Variants in CD8B2 observed in about 807,000 individuals in gnomAD.
CD8B2 encodes CD8B family member 2, also known as T-cell surface glycoprotein CD8 beta-2 chain.
A neutral mutation model predicts 23.7 loss-of-function variants in CD8B2; 11 were observed. The ratio of observed to expected loss-of-function variants is 0.46; its 90% CI spans 0.29 to 0.77. CD8B2 has a LOEUF of 0.77. CD8B2 is among the 30% of genes least tolerant of loss of function. CD8B2 has a pLI of 0.09. For missense variants in CD8B2, 197 were observed against 270.5 expected (o/e 0.73, Z 1.91); for synonymous variants, 90 against 109.3 (o/e 0.82, Z 1.10).
intron 5 of CD8B2, chr2:106,521,435 G>C (rs1679824290): frequency 6.6e-6 from 1 of 152,308 alleles, no homozygotes; most frequent in African/African-American, 2.4e-5. Context: ...AATTTTACAG[G>C]CTGCTCTTTG....
At chr2:106,527,719 G>A (rs1679926868) in intron 5 of CD8B2, among the ~76,000 whole-genome samples, 1 of 152,174 alleles carries the variant, frequency 6.6e-6, no homozygotes, top group Non-Finnish European at 1.5e-5. Context: ...GGAGGTGGAG[G>A]TTGCAGTGAG....
intron 1 of CD8B2, among the ~76,000 whole-genome samples, chr2:106,488,156 G>A (rs1288114130): frequency 1.3e-5 from 2 of 151,992 alleles, no homozygotes; most frequent in African/African-American, 4.8e-5. Context: ...ATTTGCTCTC[G>A]TGCCCAAAAA....
In CD8B2 at chr2:106,491,202, G is replaced by A; in HGVS notation, c.372G>A (p.Leu124=). Residue 124 remains leucine (L), a synonymous_variant, in exon 2 of 6, where the codon CTG becomes CTA. Coordinates refer to ENST00000643224, the MANE Select transcript of CD8B2 (RefSeq NM_001349727.2). ...YFCMIVGSPE[L]TFGKGTQLSV... ...GCATGATCGTCGGGAGCCCCGAGCT[G>A]ACCTTCGGGAAGGGAACTCAGCTGA... 1.2e-6 allele frequency: 2 copies of A among 1,608,368 alleles called. No individual in the cohort carries two copies. The highest frequency in any genetic ancestry group is 1.7e-6 in the Non-Finnish European group (2 of 1,175,702).
In CD8B2 at chr2:106,492,704, C is replaced by A. The variant is rs563810664; in HGVS notation, c.403+1471C>A. 9.1e-4 allele frequency among the ~76,000 whole-genome samples: 138 copies of A among 152,206 alleles called. 1 individual carries two copies. In the South Asian group the frequency reaches 9.8e-3, roughly 11 times the overall value. The stretch of plus-strand genomic sequence containing the variant: ...GAGGGCACTAAAAGCCACAAGGGGA[C>A]CCAGAAATTAGACCACTCAGCGTGA... On this transcript the variant is annotated intron_variant, in intron 2 of 5. Coordinates refer to ENST00000643224, the MANE Select transcript of CD8B2 (RefSeq NM_001349727.2).
chr2:106,511,778 C>T (rs1338309447), downstream of CD8B2, among the ~76,000 whole-genome samples: 5 of 152,172 alleles, frequency 3.3e-5, 1 homozygote, highest in Non-Finnish European at 7.3e-5. Flanking sequence ...CTGACACTCC[C>T]GGGGAACCGT....
Position 106,502,076 on chromosome 2 carries a change from G to A in CD8B2, c.494-398G>A, listed in dbSNP as rs573502025. On this transcript the variant is annotated intron_variant, in intron 3 of 5. Coordinates refer to ENST00000643224, the MANE Select transcript of CD8B2 (RefSeq NM_001349727.2). Reference sequence around the variant, plus strand: ...TTTGGGAGGCCAAGGTGGGCGGATTGCTTGAGGCCAGGAGTTTGAGACCAG... The same window carrying A: ...TTTGGGAGGCCAAGGTGGGCGGATTACTTGAGGCCAGGAGTTTGAGACCAG... Among the ~76,000 whole-genome samples the A allele has an allele frequency of 4.0e-5, 6 of 151,788 alleles. No homozygotes were observed. In the South Asian group the frequency reaches 1.3e-3, roughly 32 times the overall value.
At chr2:106,532,468 A>G (rs1680001835) in intron 5 of CD8B2, among the ~76,000 whole-genome samples, 1 of 152,214 alleles carries the variant, frequency 6.6e-6, no homozygotes, top group African/African-American at 2.4e-5. Context: ...GCGAGTCCAT[A>G]TAGTAAAGTG....
intron 5 of CD8B2, among the ~76,000 whole-genome samples, chr2:106,519,806 A>C (rs1679795160): frequency 6.6e-6 from 1 of 152,238 alleles, no homozygotes; most frequent in Non-Finnish European, 1.5e-5. Flanking sequence ...TTGCAAAATA[A>C]ACTCAATGTT....
chr2:106,495,779 A>T (rs1679287738), intron 2 of CD8B2, among the ~76,000 whole-genome samples: 2 of 152,060 alleles, frequency 1.3e-5, no homozygotes, highest in African/African-American at 4.8e-5. Flanking sequence ...ACTTGGATGT[A>T]AGACAAATTT....
chr2:106,535,139 A>G (rs1348405859), intron 5 of CD8B2: 2 of 152,254 alleles, frequency 1.3e-5, no homozygotes, highest in East Asian at 1.9e-4. Context: ...AATGTTTTGC[A>G]TATAATGTCC....
chr2:106,541,161 CA>C (rs1218610693), intron 5 of CD8B2, among the ~76,000 whole-genome samples: 5 of 152,106 alleles, frequency 3.3e-5, no homozygotes, highest in African/African-American at 1.2e-4. Context: ...GGCTGTGTGA[CA>C]AGGTCTGCAG....
chr2:106,526,019 T>C (rs1679901682), intron 5 of CD8B2, among the ~76,000 whole-genome samples: 1 of 152,176 alleles, frequency 6.6e-6, no homozygotes, highest in African/African-American at 2.4e-5. Flanking sequence ...AGGCGGGAAA[T>C]TGCCTGAGCT....
At chr2:106,492,175 G>A (rs1305611961) in intron 2 of CD8B2, among the ~76,000 whole-genome samples, 1 of 151,840 alleles carries the variant, frequency 6.6e-6, no homozygotes, top group Non-Finnish European at 1.5e-5. Context: ...GGGCCTCAGT[G>A]TTCTCTTCTG....
At chr2:106,540,199 AAT>A (rs1263320139) in intron 5 of CD8B2, among the ~76,000 whole-genome samples, 3 of 150,616 alleles carry the variant, frequency 2.0e-5, no homozygotes, top group Non-Finnish European at 4.4e-5. Context: ...AATTAAAAAA[AAT>A]ATCCAAGTAT....
At chr2:106,530,914 C>T (rs1301346470) in intron 5 of CD8B2, among the ~76,000 whole-genome samples, 2 of 151,984 alleles carry the variant, frequency 1.3e-5, no homozygotes, top group Non-Finnish European at 2.9e-5. Flanking sequence ...GGAAGGTACC[C>T]TAGATGGGCT....
At chr2:106,497,955 C>A (rs1363633468) in intron 3 of CD8B2, among the ~76,000 whole-genome samples, 1 of 152,054 alleles carries the variant, frequency 6.6e-6, no homozygotes, top group Non-Finnish European at 1.5e-5. Flanking sequence ...TTGTATGGCA[C>A]CCCAACCCCA....
At chr2:106,538,008 A>G (rs1680115638) in intron 5 of CD8B2, 1 of 152,224 alleles carries the variant, frequency 6.6e-6, no homozygotes, top group African/African-American at 2.4e-5. Flanking sequence ...GCATGGCCCC[A>G]GAGGAGTCTC....
chr2:106,544,231 G>T, exon 6 of CD8B2: 1 of 396,030 alleles, frequency 2.5e-6, no homozygotes, highest in Non-Finnish European at 4.4e-6. Flanking sequence ...TTAGTTATTT[G>T]AATAGGTTTT....
intron 5 of CD8B2, among the ~76,000 whole-genome samples, chr2:106,528,802 T>C (rs1434598703): frequency 6.6e-6 from 1 of 152,252 alleles, no homozygotes; most frequent in Non-Finnish European, 1.5e-5. Flanking sequence ...GGAAATAGAC[T>C]TTCCAATTTC....
Sources: allele counts gnomAD v4.1 joint callset (sites outside exome capture counted in the v4.1 genomes callset), GRCh38; gene constraint gnomAD v4.1.1; transcripts MANE v1.5; gene names NCBI Gene and HGNC (gene_info 2026-07-23, HGNC 2026-07-21).